The following LRRC69 variants were observed in gnomAD, a reference collection of about 807,000 sequenced individuals.
LRRC69 encodes the protein leucine-rich repeat-containing protein 69.
In LRRC69, 42 loss-of-function variants were observed where a neutral mutation model predicts 37.8. The ratio of observed to expected loss-of-function variants is 1.11; its 90% CI spans 0.87 to 1.44. The LOEUF is 1.44. Among genes scored for constraint, LRRC69 ranks in the 40% most tolerant of loss-of-function variants. LRRC69 has a pLI of 0.00. For missense variants in LRRC69, 357 were observed against 401.9 expected, an observed-to-expected ratio of 0.89 and a Z score of 0.96; for synonymous variants, 141 against 143.1, an observed-to-expected ratio of 0.99 and a Z score of 0.11.
At chr8:91,143,695 C>G (rs1808569218) in intron 5 of LRRC69, among the ~76,000 whole-genome samples, 1 of 151,872 alleles carries the variant, frequency 6.6e-6, no homozygotes, top group Non-Finnish European at 1.5e-5. Flanking sequence ...TCATCAATGC[C>G]CCTTTTTTCC....
At chr8:91,200,413 A>T (rs1420903827) in intron 6 of LRRC69, among the ~76,000 whole-genome samples, 200 bp from the exon 7 acceptor site, 1 of 152,188 alleles carries the variant, frequency 6.6e-6, no homozygotes, top group Non-Finnish European at 1.5e-5. Context: ...TAAGAAACTT[A>T]TTGTTCTTAT....
intron 1 of LRRC69, chr8:91,118,455 G>A: frequency 3.1e-6 from 1 of 322,872 alleles, no homozygotes. Context: ...CTTCAACCCA[G>A]GAGGCAGAGG....
At chr8:91,206,547 T>C in intron 7 of LRRC69, 4 of 514,340 alleles carry the variant, frequency 7.8e-6, no homozygotes, top group Non-Finnish European at 1.2e-5. Context: ...GTCAGATTAC[T>C]CGGAAACAGT....
chr8:91,206,540 A>G (rs1003608109), intron 7 of LRRC69, among the ~76,000 whole-genome samples: 1 of 152,342 alleles, frequency 6.6e-6, no homozygotes, highest in East Asian at 1.9e-4. Context: ...ACAGCGTGTC[A>G]GATTACTCGG....
chr8:91,191,870 GT>G (rs1282468975), intron 6 of LRRC69, among the ~76,000 whole-genome samples: 4 of 152,032 alleles, frequency 2.6e-5, no homozygotes, highest in African/African-American at 9.7e-5. Context: ...TATACTTAAA[GT>G]TTTAGGGTAC....
intron 1 of LRRC69, among the ~76,000 whole-genome samples, chr8:91,120,026 T>G (rs1813590985): frequency 6.6e-6 from 1 of 151,886 alleles, no homozygotes; most frequent in Non-Finnish European, 1.5e-5. Context: ...CTATCATTTA[T>G]CTTGGGGGTG....
At position 91,133,319 on chromosome 8, in the gene LRRC69, G is replaced by C; in HGVS notation, c.579+14G>C. The C allele has an allele frequency of 6.7e-7, 1 of 1,491,636 alleles. No homozygotes were observed. The highest frequency in any genetic ancestry group is 8.9e-7 in the Non-Finnish European group (1 of 1,126,722). The allele number at this position is 1,491,636 out of a possible 1,614,324, so 92.4% of individuals were successfully genotyped here. On this transcript the variant is annotated intron_variant, in intron 4 of 7. Coordinates refer to ENST00000448384, the Ensembl canonical transcript of LRRC69. ...GTTTTGCCGGAGGTAAGCAAAACATGGAACCACAGTAGTTTGCTGTTGGAG... is the reference window on the plus strand; with the variant it reads ...GTTTTGCCGGAGGTAAGCAAAACATCGAACCACAGTAGTTTGCTGTTGGAG...
chr8:91,206,692 GA>G, intron 7 of LRRC69: 5 of 1,289,248 alleles, frequency 3.9e-6, no homozygotes, highest in Non-Finnish European at 5.1e-6. Flanking sequence ...CTCTCTTTCA[GA>G]AACTACAACC....
intron 5 of LRRC69, among the ~76,000 whole-genome samples, chr8:91,172,084 G>T (rs1215087289): frequency 6.6e-6 from 1 of 151,772 alleles, no homozygotes; most frequent in Non-Finnish European, 1.5e-5. Flanking sequence ...TTTCCCCATG[G>T]TTTAGAGTAT....
At chr8:91,172,581 T>G (rs1809151957) in intron 5 of LRRC69, among the ~76,000 whole-genome samples, 1 of 152,000 alleles carries the variant, frequency 6.6e-6, no homozygotes, top group East Asian at 1.9e-4. Flanking sequence ...AATGGCAAGA[T>G]CTCAGCTCAC....
intron 3 of LRRC69, among the ~76,000 whole-genome samples, chr8:91,127,492 G>A (rs1382485399): frequency 1.4e-5 from 2 of 145,388 alleles, no homozygotes; most frequent in African/African-American, 5.1e-5. Context: ...TTTCGCATGT[G>A]TATTGTAAAC....
At chr8:91,149,112 C>A (rs1253475273) in intron 5 of LRRC69, among the ~76,000 whole-genome samples, 1 of 151,878 alleles carries the variant, frequency 6.6e-6, no homozygotes, top group East Asian at 1.9e-4. Context: ...TCAATTTTGG[C>A]TTTTGTTGCC....
intron 5 of LRRC69, among the ~76,000 whole-genome samples, chr8:91,165,799 G>T (rs905689644): frequency 6.6e-6 from 1 of 151,752 alleles, no homozygotes; most frequent in African/African-American, 2.4e-5. Context: ...TTTTAATTCT[G>T]ACAATACTTA....
intron 5 of LRRC69, chr8:91,158,723 T>C: frequency 1.9e-6 from 2 of 1,059,370 alleles, no homozygotes; most frequent in Non-Finnish European, 3.0e-6. Flanking sequence ...CTTACATTGT[T>C]CTACAAAATG....
intron 5 of LRRC69, among the ~76,000 whole-genome samples, chr8:91,176,134 A>ATATATATTTTTTTTTTTTTT: frequency 1.1e-4 from 8 of 75,708 alleles, no homozygotes; most frequent in African/African-American, 4.3e-4. Context: ...ATATATATAT[A>ATATATATTTTTTTTTTTTTT]TTTTTTTTTT....
intron 5 of LRRC69, among the ~76,000 whole-genome samples, chr8:91,155,494 A>G (rs1586252280): frequency 6.6e-6 from 1 of 150,884 alleles, no homozygotes; most frequent in African/African-American, 2.4e-5. Flanking sequence ...TCAACAACCT[A>G]TCTATTTGAA....
intron 5 of LRRC69, among the ~76,000 whole-genome samples, chr8:91,166,153 T>G (rs950033481): frequency 2.0e-5 from 3 of 151,776 alleles, no homozygotes; most frequent in African/African-American, 4.8e-5. Context: ...GGGATAATAA[T>G]ACAAATGATA....
chr8:91,158,007 T>G, intron 5 of LRRC69: 1 of 1,324,164 alleles, frequency 7.6e-7, no homozygotes, highest in Non-Finnish European at 1.1e-6. Context: ...GGTCTACAAC[T>G]TCATGCAGAT....
In LRRC69 at chr8:91,157,468, G is replaced by T. The variant is rs1808856590; in HGVS notation, c.651+21729G>T. On this transcript the variant is annotated intron_variant, in intron 5 of 7. Coordinates refer to ENST00000448384, the Ensembl canonical transcript of LRRC69. Reference sequence around the variant, plus strand: ...TGGGCCAATGAAAATATGCAAGAAAGGAAGTTTACATGCAAATTGGAGACA... The same window carrying T: ...TGGGCCAATGAAAATATGCAAGAAATGAAGTTTACATGCAAATTGGAGACA... 2.5e-6 allele frequency: 4 copies of T among 1,602,564 alleles called. No homozygotes were observed. In the East Asian group the frequency reaches 8.9e-5, roughly 36 times the overall value.
Sources: allele counts gnomAD v4.1 joint callset (sites outside exome capture counted in the v4.1 genomes callset), GRCh38; gene constraint gnomAD v4.1.1; transcripts MANE v1.5; gene names NCBI Gene and HGNC (gene_info 2026-07-23, HGNC 2026-07-21).